The following PRSS23 variants were observed in gnomAD, a reference collection of about 807,000 sequenced individuals.
The protein encoded by PRSS23 is protease, serine 23.
PRSS23 carries 25 observed loss-of-function variants against 34.7 expected under a neutral mutation model. The ratio of observed to expected loss-of-function variants is 0.72; its 90% CI spans 0.53 to 1.01. PRSS23 has a LOEUF of 1.01. Among genes scored for constraint, PRSS23 ranks in the 50% least tolerant of loss-of-function variants. PRSS23 has a pLI of 0.00. For synonymous variants in PRSS23, 176 were observed against 186.6 expected (o/e 0.94, Z 0.46); for missense variants, 445 against 475.6 (o/e 0.94, Z 0.60).
chr11:86,931,992 T>A (rs1330505390), intron 2 of PRSS23, among the ~76,000 whole-genome samples: 2 of 152,172 alleles, frequency 1.3e-5, no homozygotes, highest in Non-Finnish European at 2.9e-5. Flanking sequence ...TGAAGCTCTA[T>A]GCAAACTGTG....
chr11:86,792,920 T>G (rs1590862964), intron 1 of PRSS23, among the ~76,000 whole-genome samples: 2 of 152,218 alleles, frequency 1.3e-5, no homozygotes, highest in African/African-American at 4.8e-5. Flanking sequence ...TCACCCAGGC[T>G]GAAATGCAGT....
At chr11:86,821,746 T>C in intron 1 of PRSS23, 1 of 1,317,384 alleles carries the variant, frequency 7.6e-7, no homozygotes, top group Non-Finnish European at 1.1e-6. Flanking sequence ...AAAGTGTTCG[T>C]CAGGCCAATT....
chr11:86,910,520 T>C (rs1948970188), intron 2 of PRSS23: 1 of 152,166 alleles, frequency 6.6e-6, no homozygotes, highest in African/African-American at 2.4e-5. Context: ...AAATAACATA[T>C]GGTTAACTAT....
intron 2 of PRSS23, among the ~76,000 whole-genome samples, chr11:86,904,582 C>T (rs1948930391): frequency 1.3e-5 from 2 of 152,168 alleles, no homozygotes; most frequent in South Asian, 4.1e-4. Context: ...GAGCATTATT[C>T]CTCTATTCTA....
At chr11:86,878,995 C>T (rs879605108) in intron 2 of PRSS23, among the ~76,000 whole-genome samples, 1 of 104,532 alleles carries the variant, frequency 9.6e-6, no homozygotes, top group Admixed American at 9.8e-5. Flanking sequence ...TCTGCCCGGC[C>T]GCCATCCCGT....
At chr11:86,855,248 G>A (rs994564031) in intron 2 of PRSS23, among the ~76,000 whole-genome samples, 1 of 151,936 alleles carries the variant, frequency 6.6e-6, no homozygotes, top group Non-Finnish European at 1.5e-5. Context: ...TGTGATTGGA[G>A]CGGAAAGGTA....
chr11:86,833,932 G>A (rs995349605), intron 2 of PRSS23, among the ~76,000 whole-genome samples: 1 of 152,170 alleles, frequency 6.6e-6, no homozygotes, highest in African/African-American at 2.4e-5. Context: ...CTCGGGAGGG[G>A]TGCCTTCGAT....
chr11:86,828,686 C>T (rs531588292), intron 2 of PRSS23, among the ~76,000 whole-genome samples: 3 of 152,174 alleles, frequency 2.0e-5, no homozygotes, highest in African/African-American at 7.2e-5. Context: ...TTAGGGCAGG[C>T]TTGGTGGTGA....
At chr11:86,844,800 G>A (rs866229459) in intron 2 of PRSS23, among the ~76,000 whole-genome samples, 11 of 152,322 alleles carry the variant, frequency 7.2e-5, no homozygotes, top group Middle Eastern at 6.8e-3. Context: ...AAATAATTGA[G>A]TATGTTGGGC....
intron 2 of PRSS23, among the ~76,000 whole-genome samples, chr11:86,829,841 C>T (rs1378647028): frequency 6.6e-6 from 1 of 152,204 alleles, no homozygotes; most frequent in Non-Finnish European, 1.5e-5. Context: ...CTGATCGTTC[C>T]TCTGGAAGTT....
At chr11:86,938,641 A>G (rs891159620) in intron 2 of PRSS23, among the ~76,000 whole-genome samples, 1 of 151,034 alleles carries the variant, frequency 6.6e-6, no homozygotes, top group African/African-American at 2.4e-5. Context: ...ATAAAGAAGA[A>G]TATCAGCCGA....
intron 2 of PRSS23, among the ~76,000 whole-genome samples, chr11:86,944,526 T>C (rs372566532): frequency 5.3e-5 from 8 of 152,148 alleles, no homozygotes; most frequent in East Asian, 3.8e-4. Flanking sequence ...TCCAACCCCT[T>C]TGGGTTGCCC....
At chr11:86,865,460 A>G (rs533397778) in intron 2 of PRSS23, among the ~76,000 whole-genome samples, 7 of 152,318 alleles carry the variant, frequency 4.6e-5, no homozygotes, top group African/African-American at 1.2e-4. Flanking sequence ...GAGTGTGGTG[A>G]TGGAAATGCT....
At chr11:86,933,862 T>C (rs1590934267) in intron 2 of PRSS23, 1 of 152,236 alleles carries the variant, frequency 6.6e-6, no homozygotes, top group East Asian at 1.9e-4. Flanking sequence ...GTATCCATGA[T>C]TTGGAACGAG....
intron 2 of PRSS23, among the ~76,000 whole-genome samples, chr11:86,859,679 T>C (rs1490347050): frequency 6.6e-6 from 1 of 151,950 alleles, no homozygotes; most frequent in Non-Finnish European, 1.5e-5. Context: ...ATGATATTAC[T>C]CCCAATATCC....
At chr11:86,823,317 C>A (rs1173955555) in intron 1 of PRSS23, 2 of 691,422 alleles carry the variant, frequency 2.9e-6, no homozygotes, top group Non-Finnish European at 5.3e-6. Flanking sequence ...GAATAGCTAA[C>A]CTAATTTAGT....
rs371463722 is a variant in PRSS23, at chr11:86,807,990, G to A, written c.347G>A (p.Arg116Gln). ...LSSSGDGAQHRDSGSSGKSRR... is the reference protein window; with the variant it reads ...LSSSGDGAQHQDSGSSGKSRR... The stretch of plus-strand genomic sequence containing the variant: ...AGTAGTGGAGATGGGGCCCAACACC[G>A]AGACTCAGGGTCTTCAGGAAAGTCT... Residue 116 changes from arginine (R) to glutamine (Q), a missense_variant, in exon 2 of 2, where the codon CGA (arginine) becomes CAA (glutamine). Physicochemically the swap from Arg to Gln is conservative, Grantham distance 43 (BLOSUM62 1). Transcript: ENST00000280258. The A allele has an allele frequency of 1.2e-5, 19 of 1,613,984 alleles. No individual in the cohort carries two copies. The highest frequency in any genetic ancestry group is 1.1e-4 in the East Asian group (5 of 44,894).
At chr11:86,888,482 G>A (rs542382880) in intron 2 of PRSS23, among the ~76,000 whole-genome samples, 1 of 152,256 alleles carries the variant, frequency 6.6e-6, no homozygotes, top group East Asian at 1.9e-4. Context: ...GGCTTGTCAT[G>A]GGGCAAAAGA....
At position 86,810,491 on chromosome 11, in the gene PRSS23, G is replaced by C. The variant is rs1948165729; in HGVS notation, c.*1696G>C. On this transcript the variant is annotated 3_prime_UTR_variant, in exon 2 of 2. Coordinates refer to ENST00000280258, the MANE Select transcript of PRSS23 (RefSeq NM_007173.6). ...TGCAGAGCCGCCAGGAAAATTCTGA[G>C]TTCCAGCACAATTTTCTTTGGAATC... is the stretch of plus-strand genomic sequence containing the variant. 6.0e-6 allele frequency: 1 copy of C among 167,072 alleles called. No individual in the cohort carries two copies. Among genetic ancestry groups the C allele is most frequent in the Non-Finnish European group, 1.5e-5 (1 of 68,116 alleles). The allele number at this position is 167,072 out of a possible 1,614,324, so 10.3% of individuals were successfully genotyped here.
Sources: gnomAD v4.1 joint callset for allele counts (sites outside exome capture counted in the v4.1 genomes callset) on GRCh38, gnomAD v4.1.1 for gene constraint, MANE v1.5 for transcripts, NCBI Gene and HGNC (gene_info 2026-07-23, HGNC 2026-07-21) for gene names.